Variants in DNAH6 observed in about 807,000 individuals in gnomAD.
DNAH6 encodes the protein axonemal beta dynein heavy chain 6.
Under a neutral mutation model 491.4 loss-of-function variants are expected in DNAH6, and 340 were observed. The ratio of observed to expected loss-of-function variants is 0.69; its 90% CI spans 0.63 to 0.76. The LOEUF is 0.76. Among genes scored for constraint, DNAH6 ranks in the 30% least tolerant of loss-of-function variants. The pLI, the probability that DNAH6 is intolerant of heterozygous loss-of-function variation, is 0.00. For synonymous variants in DNAH6, 1,603 were observed against 1,686.1 expected, an observed-to-expected ratio of 0.95 and a Z score of 1.21; for missense variants, 4,443 against 4,972.2, an observed-to-expected ratio of 0.89 and a Z score of 3.20.
At chr2:84,801,879 G>GAA (rs755464606) in intron 70 of DNAH6, among the ~76,000 whole-genome samples, 1 of 124,088 alleles carries the variant, frequency 8.1e-6, no homozygotes, top group Admixed American at 8.5e-5. Context: ...GTGAGGCTCT[G>GAA]AAAAAAAAAA....
chr2:84,695,922 A>G (rs1376760479), intron 46 of DNAH6, among the ~76,000 whole-genome samples: 3 of 152,050 alleles, frequency 2.0e-5, no homozygotes, highest in African/African-American at 7.2e-5. Flanking sequence ...TTCTGTTGGA[A>G]GCCCCAATCA....
intron 58 of DNAH6, among the ~76,000 whole-genome samples, chr2:84,717,573 G>A (rs1462043553): frequency 6.6e-6 from 1 of 152,154 alleles, no homozygotes; most frequent in East Asian, 1.9e-4. Flanking sequence ...CCTTATGGGG[G>A]GGGCATTCAA....
intron 60 of DNAH6, among the ~76,000 whole-genome samples, 190 bp downstream of exon 60, chr2:84,722,994 G>T (rs565942032): frequency 6.6e-6 from 1 of 152,140 alleles, no homozygotes; most frequent in African/African-American, 2.4e-5. Flanking sequence ...TTGGGAGGCC[G>T]AGGTGGGTGG....
At chr2:84,733,376 T>G (rs574006535) in intron 61 of DNAH6, 68 bp from the exon 62 acceptor site, 2 of 1,404,484 alleles carry the variant, frequency 1.4e-6, no homozygotes, top group African/African-American at 1.4e-5. Context: ...ATTTTTCACT[T>G]GGACAAAGTG....
Position 84,812,230 on chromosome 2 carries a change from C to T in DNAH6, c.11740-111C>T. The T allele has an allele frequency of 6.8e-6, 6 of 884,352 alleles. No homozygotes were observed. In the South Asian group the frequency reaches 1.0e-4, roughly 15 times the overall value. The allele number at this position is 884,352 out of a possible 1,614,324, so 54.8% of individuals were successfully genotyped here. ...CAGACAGTGTGCAAAGAGGATAGAACCTAGCAACTGGCGCCTCCAGGCAAG... is the reference window on the plus strand; with the variant it reads ...CAGACAGTGTGCAAAGAGGATAGAATCTAGCAACTGGCGCCTCCAGGCAAG... On this transcript the variant is annotated intron_variant, in intron 72 of 76. Transcript: ENST00000389394.
intron 9 of DNAH6, among the ~76,000 whole-genome samples, chr2:84,552,499 A>T (rs1213571674): frequency 6.6e-6 from 1 of 152,204 alleles, no homozygotes; most frequent in African/African-American, 2.4e-5. Flanking sequence ...TTCTCAGATT[A>T]TGCCCTTTGC....
chr2:84,537,839 T>C (rs1275232378), intron 4 of DNAH6, among the ~76,000 whole-genome samples: 2 of 152,090 alleles, frequency 1.3e-5, no homozygotes, highest in East Asian at 1.9e-4. Context: ...CATTGAAATA[T>C]AAACTTGCTC....
chr2:84,465,855 A>G, the DNAH6 span, among the ~76,000 whole-genome samples: 1 of 152,232 alleles, frequency 6.6e-6, no homozygotes, highest in South Asian at 2.1e-4. Flanking sequence ...GAATCTAATA[A>G]TTCCAATTTT....
intron 35 of DNAH6, among the ~76,000 whole-genome samples, chr2:84,656,396 G>T (rs1690974703): frequency 6.6e-6 from 1 of 152,068 alleles, no homozygotes; most frequent in Non-Finnish European, 1.5e-5. Flanking sequence ...GTATCATTTT[G>T]CATTCCCACC....
At chr2:84,725,605 A>G (rs1352721544) in intron 60 of DNAH6, among the ~76,000 whole-genome samples, 4 of 152,178 alleles carry the variant, frequency 2.6e-5, no homozygotes, top group African/African-American at 4.8e-5. Context: ...AGTTTTTAAA[A>G]TCTCCTTCAA....
At chr2:84,741,636 C>T (rs1672535041) in intron 62 of DNAH6, among the ~76,000 whole-genome samples, 1 of 152,164 alleles carries the variant, frequency 6.6e-6, no homozygotes, top group Admixed American at 6.5e-5. Context: ...CATAGCAGGG[C>T]AGCAAGTACC....
intron 65 of DNAH6, among the ~76,000 whole-genome samples, chr2:84,783,962 C>T (rs1159516380): frequency 6.6e-6 from 1 of 152,134 alleles, no homozygotes; most frequent in East Asian, 1.9e-4. Context: ...TTGACCAAGA[C>T]ATGAAGAAAG....
intron 39 of DNAH6, 72 bp downstream of exon 39, chr2:84,670,547 G>A (rs915843678): frequency 9.6e-7 from 1 of 1,043,102 alleles, no homozygotes; most frequent in Non-Finnish European, 1.4e-6. Flanking sequence ...AATAGTGCAT[G>A]TAATAAAATG....
At chr2:84,497,539 G>A in the DNAH6 span, among the ~76,000 whole-genome samples, 12 of 152,208 alleles carry the variant, frequency 7.9e-5, no homozygotes, top group East Asian at 2.3e-3. Context: ...GTGTAGCCTT[G>A]GAAGAGTAAC....
rs547217422 is a variant in DNAH6, at chr2:84,548,455, C to A, written c.1316+38C>A. ...TCATTTTCAAGAAAAATTGTAGTACCCATCTTAAGCTGCATTAAAAATTAA... is the reference window on the plus strand; with the variant it reads ...TCATTTTCAAGAAAAATTGTAGTACACATCTTAAGCTGCATTAAAAATTAA... On this transcript the variant is annotated intron_variant, in intron 8 of 76. Transcript: ENST00000389394. 1.2e-4 allele frequency: 187 copies of A among 1,607,636 alleles called. 1 individual carries two copies. The South Asian group carries it at 1.9e-3, about 17-fold the overall frequency.
intron 33 of DNAH6, among the ~76,000 whole-genome samples, chr2:84,650,963 T>A (rs1690397373): frequency 6.6e-6 from 1 of 152,200 alleles, no homozygotes; most frequent in African/African-American, 2.4e-5. Flanking sequence ...TGCAACTTTG[T>A]TACTGCCAGG....
chr2:84,470,104 T>C, the DNAH6 span, among the ~76,000 whole-genome samples: 1 of 152,162 alleles, frequency 6.6e-6, no homozygotes, highest in Non-Finnish European at 1.5e-5. Context: ...ATGCAGATGA[T>C]TTTCCTATGA....
At chr2:84,716,135 A>T (rs1697511608) in intron 58 of DNAH6, among the ~76,000 whole-genome samples, 1 of 150,242 alleles carries the variant, frequency 6.7e-6, no homozygotes, top group Non-Finnish European at 1.5e-5. Context: ...ATATACATAT[A>T]TACCCATATA....
chr2:84,779,322 C>A (rs557428034), intron 64 of DNAH6, among the ~76,000 whole-genome samples: 7 of 152,176 alleles, frequency 4.6e-5, no homozygotes, highest in Admixed American at 3.3e-4. Context: ...TCTGGGTATT[C>A]CAATGTTGGG....
Sources: allele counts gnomAD v4.1 joint callset (sites outside exome capture counted in the v4.1 genomes callset), GRCh38; gene constraint gnomAD v4.1.1; transcripts MANE v1.5; gene names NCBI Gene and HGNC (gene_info 2026-07-23, HGNC 2026-07-21).